The following ANO10 variants were observed in gnomAD, a reference collection of about 807,000 sequenced individuals.
ANO10 encodes anoctamin 10.
Under a neutral mutation model 74.7 loss-of-function variants are expected in ANO10, and 77 were observed. The observed-to-expected ratio is 1.03, with a 90% CI of 0.86 to 1.25. ANO10 has a LOEUF of 1.25. Ranked by LOEUF, ANO10 falls within the 50% of genes most tolerant of loss-of-function variation. The probability of loss-of-function intolerance (pLI) is 0.00; values close to 1 mark genes in which losing one functional copy is unlikely to be tolerated. For missense variants in ANO10, 721 were observed against 778.1 expected, an observed-to-expected ratio of 0.93 and a Z score of 0.87; for synonymous variants, 279 against 284.9, an observed-to-expected ratio of 0.98 and a Z score of 0.21.
At chr3:43,456,067 T>A (rs1231125920) in intron 11 of ANO10, among the ~76,000 whole-genome samples, 2 of 152,190 alleles carry the variant, frequency 1.3e-5, no homozygotes, top group Non-Finnish European at 2.9e-5. Context: ...GAAATTGACA[T>A]GCTACATTTG....
At chr3:43,657,098 T>G (rs1000034810) in intron 1 of ANO10, among the ~76,000 whole-genome samples, 1 of 152,264 alleles carries the variant, frequency 6.6e-6, no homozygotes, top group African/African-American at 2.4e-5. Context: ...AATGATTAGA[T>G]GCAACTCACA....
At chr3:43,594,939 C>A (rs147043642) in intron 4 of ANO10, among the ~76,000 whole-genome samples, 10 of 150,772 alleles carry the variant, frequency 6.6e-5, no homozygotes, top group African/African-American at 2.4e-4. Flanking sequence ...ATATCACCAC[C>A]GATCCCACAG....
chr3:43,568,308 T>C (rs1283961752), intron 7 of ANO10, among the ~76,000 whole-genome samples: 1 of 152,036 alleles, frequency 6.6e-6, no homozygotes, highest in Non-Finnish European at 1.5e-5. Context: ...TACCCAGGAA[T>C]TGAACTCAGC....
chr3:43,500,904 A>T (rs574412101), intron 11 of ANO10, among the ~76,000 whole-genome samples: 2 of 152,304 alleles, frequency 1.3e-5, no homozygotes, highest in South Asian at 4.1e-4. Flanking sequence ...CAACAACAAC[A>T]ACAAAAACGG....
intron 12 of ANO10, among the ~76,000 whole-genome samples, chr3:43,370,568 G>A (rs2091573911): frequency 1.3e-5 from 2 of 151,722 alleles, no homozygotes; most frequent in Non-Finnish European, 1.5e-5. Context: ...TGGGGTGGGA[G>A]GGAGCAACAA....
intron 11 of ANO10, among the ~76,000 whole-genome samples, chr3:43,483,194 T>C (rs1053311454): frequency 6.6e-6 from 1 of 152,214 alleles, no homozygotes; most frequent in African/African-American, 2.4e-5. Context: ...GAAAATGTCT[T>C]TGTTTATTTC....
chr3:43,615,973 T>C (rs779358310), intron 1 of ANO10, among the ~76,000 whole-genome samples: 5 of 152,166 alleles, frequency 3.3e-5, no homozygotes, highest in Non-Finnish European at 7.4e-5. Flanking sequence ...ATTTTTTAAC[T>C]ATATGATACA....
chr3:43,504,266 C>CA (rs1240572595), intron 11 of ANO10, among the ~76,000 whole-genome samples: 1 of 146,688 alleles, frequency 6.8e-6, no homozygotes, highest in Non-Finnish European at 1.5e-5. Context: ...AACTCCGCCT[C>CA]AAAAAATAAG....
chr3:43,544,211 A>G (rs2079077513), intron 11 of ANO10, among the ~76,000 whole-genome samples: 1 of 152,208 alleles, frequency 6.6e-6, no homozygotes, highest in Non-Finnish European at 1.5e-5. Flanking sequence ...TTTAATCTTG[A>G]GAGCTGAACT....
chr3:43,672,464 G>A (rs2084071352), intron 1 of ANO10, among the ~76,000 whole-genome samples: 2 of 152,182 alleles, frequency 1.3e-5, no homozygotes, highest in South Asian at 2.1e-4. Context: ...CTGGGAGGTC[G>A]AGGCTGCAGT....
At chr3:43,483,291 G>A (rs1412972226) in intron 11 of ANO10, among the ~76,000 whole-genome samples, 2 of 152,208 alleles carry the variant, frequency 1.3e-5, no homozygotes, top group African/African-American at 4.8e-5. Flanking sequence ...CATAAGTTTA[G>A]TAATGGGACA....
intron 1 of ANO10, among the ~76,000 whole-genome samples, chr3:43,682,326 C>A (rs2084212851): frequency 6.6e-6 from 1 of 152,184 alleles, no homozygotes. Flanking sequence ...ACTAGAAAAT[C>A]TAGAAGAAAT....
intron 1 of ANO10, among the ~76,000 whole-genome samples, chr3:43,685,902 G>A (rs1241779929): frequency 6.6e-6 from 1 of 152,070 alleles, no homozygotes; most frequent in Admixed American, 6.5e-5. Flanking sequence ...CAGTTTTATT[G>A]TGCCTTTTTT....
chr3:43,462,657 A>C (rs1242604206), intron 11 of ANO10, among the ~76,000 whole-genome samples: 1 of 152,260 alleles, frequency 6.6e-6, no homozygotes, highest in African/African-American at 2.4e-5. Context: ...AATTTGCATA[A>C]GTAATGAGGA....
intron 11 of ANO10, among the ~76,000 whole-genome samples, chr3:43,458,997 C>T (rs1306706841): frequency 6.6e-6 from 1 of 152,122 alleles, no homozygotes; most frequent in Non-Finnish European, 1.5e-5. Context: ...AATGTCTCTA[C>T]AACAGTAAAA....
intron 1 of ANO10, among the ~76,000 whole-genome samples, chr3:43,612,997 G>A (rs2082904944): frequency 6.6e-6 from 1 of 152,040 alleles, no homozygotes; most frequent in African/African-American, 2.4e-5. Context: ...GTGGAACCTT[G>A]TCTCTACTAA....
At chr3:43,685,637 C>T (rs966849980) in intron 1 of ANO10, among the ~76,000 whole-genome samples, 2 of 152,238 alleles carry the variant, frequency 1.3e-5, no homozygotes, top group Non-Finnish European at 2.9e-5. Context: ...CCAATTTGCA[C>T]TTCCACCAAA....
intron 1 of ANO10, among the ~76,000 whole-genome samples, chr3:43,686,532 C>A (rs2084277279): frequency 2.0e-5 from 3 of 152,170 alleles, no homozygotes; most frequent in Non-Finnish European, 2.9e-5. Context: ...GCGATCCACC[C>A]ATCTTGGCCT....
chr3:43,535,030 G>A (rs990654727), intron 11 of ANO10, among the ~76,000 whole-genome samples: 3 of 149,502 alleles, frequency 2.0e-5, no homozygotes, highest in Non-Finnish European at 4.4e-5. Context: ...CTGGAGTGCA[G>A]TGGCACAATC....
Sources: gnomAD v4.1 joint callset for allele counts (sites outside exome capture counted in the v4.1 genomes callset) on GRCh38, gnomAD v4.1.1 for gene constraint, MANE v1.5 for transcripts, NCBI Gene and HGNC (gene_info 2026-07-23, HGNC 2026-07-21) for gene names.